Variants in RNF152 observed in about 807,000 individuals in gnomAD.
The protein encoded by RNF152 is ring finger protein 152, also known as E3 ubiquitin-protein ligase RNF152.
A neutral mutation model predicts 12.7 loss-of-function variants in RNF152; 11 were observed. The observed-to-expected ratio is 0.86, with a 90% CI of 0.54 to 1.43. RNF152 has a LOEUF of 1.43. RNF152 is among the 40% of genes most tolerant of loss of function. RNF152 has a pLI of 0.00. For synonymous variants in RNF152, 113 were observed against 120.3 expected, an observed-to-expected ratio of 0.94 and a Z score of 0.40; for missense variants, 255 against 274.8, an observed-to-expected ratio of 0.93 and a Z score of 0.51.
At chr18:61,889,211 T>C (rs1156384649) in intron 1 of RNF152, among the ~76,000 whole-genome samples, 1 of 152,136 alleles carries the variant, frequency 6.6e-6, no homozygotes, top group Non-Finnish European at 1.5e-5. Context: ...GATACTGATA[T>C]CCCCTCAGTC....
intron 1 of RNF152, among the ~76,000 whole-genome samples, chr18:61,864,651 C>G (rs1228296549): frequency 2.0e-5 from 3 of 152,194 alleles, no homozygotes; most frequent in Admixed American, 6.5e-5. Flanking sequence ...AAGTCACAAC[C>G]CTCTAATCAC....
At chr18:61,823,923 G>A (rs554055697) in intron 1 of RNF152, among the ~76,000 whole-genome samples, 91 of 152,326 alleles carry the variant, frequency 6.0e-4, no homozygotes, top group African/African-American at 2.2e-3. Context: ...CTCTGCTAGG[G>A]CATGTGCCAA....
rs1287789764 is a variant in RNF152, at chr18:61,813,471, A to G, written c.*2381T>C. The G allele has an allele frequency of 2.0e-5, 3 of 152,218 alleles. No individual in the cohort carries two copies. The highest frequency in any genetic ancestry group is 2.0e-4 in the Admixed American group (3 of 15,280). The allele number at this position is 152,218 out of a possible 1,614,324, so 9.4% of individuals were successfully genotyped here. A position where few individuals can be genotyped will look rare whatever the true frequency, so the allele number is the denominator to read the frequency against. On this transcript the variant is annotated 3_prime_UTR_variant, in exon 2 of 2. Transcript: ENST00000312828. The stretch of plus-strand genomic sequence containing the variant: ...AAATTTAAGGTCAAGAATCTACCAT[A>G]CAGCCGATTAATTTTGCACTGCTTA...
At position 61,815,805 on chromosome 18, in the gene RNF152, C is replaced by T; in HGVS notation, c.*47G>A. On this transcript the variant is annotated 3_prime_UTR_variant, in exon 2 of 2. Transcript: ENST00000312828. Reference sequence around the variant, plus strand: ...TCACTGGGATCTCATCATCAACCTGCTCAACCCCTAAGTTGGCACCCACAA... The same window carrying T: ...TCACTGGGATCTCATCATCAACCTGTTCAACCCCTAAGTTGGCACCCACAA... 1.3e-6 allele frequency: 2 copies of T among 1,588,232 alleles called. No homozygotes were observed. The highest frequency in any genetic ancestry group is 1.7e-5 in the Admixed American group (1 of 59,036).
intron 1 of RNF152, among the ~76,000 whole-genome samples, chr18:61,818,989 C>T (rs9966870): frequency 2.0e-5 from 3 of 151,874 alleles, no homozygotes; most frequent in Non-Finnish European, 2.9e-5. Context: ...TCTGGATTAT[C>T]GAATTAGACA....
chr18:61,835,484 GA>G (rs1910138060), intron 1 of RNF152, among the ~76,000 whole-genome samples: 1 of 152,132 alleles, frequency 6.6e-6, no homozygotes, highest in African/African-American at 2.4e-5. Context: ...TCAATTAAGG[GA>G]AAGGTTCATG....
Position 61,884,219 on chromosome 18 carries a change from C to T in RNF152, c.-136+8576G>A, listed in dbSNP as rs200330870. 5.5e-5 allele frequency among the ~76,000 whole-genome samples: 7 copies of T among 127,506 alleles called. No homozygotes were observed. In the East Asian group the frequency reaches 1.7e-3, roughly 32 times the overall value. 83.6% of individuals were successfully genotyped at this position (127,506 alleles called of 152,430 possible). A position where few individuals can be genotyped will look rare whatever the true frequency, so the allele number is the denominator to read the frequency against. On this transcript the variant is annotated intron_variant, in intron 1 of 1. Transcript: ENST00000312828. ...CACTAACTCAATGAGGTCGGTTCTC[C>T]CCCATTTTGCAGCTGAAGAACAAAC...
intron 1 of RNF152, among the ~76,000 whole-genome samples, chr18:61,819,264 T>A (rs1909263175): frequency 6.6e-6 from 1 of 152,136 alleles, no homozygotes; most frequent in Admixed American, 6.5e-5. Context: ...GGATAGCAGA[T>A]CCCACAGGGA....
chr18:61,830,231 G>A lies in RNF152; in HGVS notation c.-135-13633C>T, dbSNP rs199543439. On this transcript the variant is annotated intron_variant, in intron 1 of 1. Transcript: ENST00000312828. ...TAGAGATGGGGGTGTCTTGGTATTT[G>A]GCCAGGCTGGTCTTGAACTCCTCAC... Among the ~76,000 whole-genome samples, 5 of 151,948 alleles carry A rather than the reference G, an allele frequency of 3.3e-5. No homozygotes were observed. In the East Asian group the frequency reaches 9.7e-4, roughly 29 times the overall value.
chr18:61,826,003 A>G (rs1909647928), intron 1 of RNF152, among the ~76,000 whole-genome samples: 1 of 152,206 alleles, frequency 6.6e-6, no homozygotes, highest in African/African-American at 2.4e-5. Flanking sequence ...TAGTATATCC[A>G]GCTTCTAGGC....
chr18:61,879,255 T>C (rs1410327442), intron 1 of RNF152, among the ~76,000 whole-genome samples: 2 of 152,236 alleles, frequency 1.3e-5, no homozygotes, highest in Non-Finnish European at 2.9e-5. Context: ...CTTACATTTA[T>C]ATTGTGTTTA....
intron 1 of RNF152, among the ~76,000 whole-genome samples, chr18:61,826,126 A>T (rs954069270): frequency 6.6e-6 from 1 of 152,202 alleles, no homozygotes; most frequent in African/African-American, 2.4e-5. Context: ...GACCCACTGG[A>T]AACCCCAGAG....
intron 1 of RNF152, among the ~76,000 whole-genome samples, chr18:61,862,158 GT>G (rs1397290770): frequency 6.6e-6 from 1 of 152,114 alleles, no homozygotes; most frequent in Non-Finnish European, 1.5e-5. Context: ...CTTTTTACAT[GT>G]TAATACAAAG....
At chr18:61,860,370 G>A (rs750350607) in intron 1 of RNF152, among the ~76,000 whole-genome samples, 4 of 152,186 alleles carry the variant, frequency 2.6e-5, no homozygotes, top group Admixed American at 6.5e-5. Flanking sequence ...ATGCAGTCAC[G>A]CACCACATAA....
At chr18:61,867,881 T>G (rs941833641) in intron 1 of RNF152, among the ~76,000 whole-genome samples, 3 of 152,230 alleles carry the variant, frequency 2.0e-5, no homozygotes, top group Non-Finnish European at 4.4e-5. Flanking sequence ...GAACCCCCAC[T>G]GTACTATAAA....
intron 1 of RNF152, among the ~76,000 whole-genome samples, chr18:61,859,328 G>A (rs1384482731): frequency 6.6e-6 from 1 of 152,184 alleles, no homozygotes; most frequent in Non-Finnish European, 1.5e-5. Flanking sequence ...GGGCTGTTGT[G>A]GCGCAAATTC....
rs1217809636 is a variant in RNF152 at position 61,808,582 on chromosome 18, A to C, written c.*7270T>G. 6.6e-6 allele frequency: 1 copy of C among 152,152 alleles called. No homozygotes were observed. The highest frequency in any genetic ancestry group is 1.9e-4 in the East Asian group (1 of 5,196). The allele number at this position is 152,152 out of a possible 1,614,324, so 9.4% of individuals were successfully genotyped here. A position where few individuals can be genotyped will look rare whatever the true frequency, so the allele number is the denominator to read the frequency against. ...GTGGGAGGAACCCTGGATTGCAGCT[A>C]CATGGCTTATGTAGGGAGTTTGTAA... On this transcript the variant is annotated 3_prime_UTR_variant, in exon 2 of 2. Transcript: ENST00000312828.
At chr18:61,892,513 C>T (rs781169935) in intron 1 of RNF152, among the ~76,000 whole-genome samples, 6 of 152,224 alleles carry the variant, frequency 3.9e-5, no homozygotes, top group Non-Finnish European at 7.3e-5. Context: ...TCAGATACAA[C>T]TGCCTGTGTA....
intron 1 of RNF152, among the ~76,000 whole-genome samples, chr18:61,851,679 G>A (rs1014238332): frequency 6.6e-6 from 1 of 152,036 alleles, no homozygotes; most frequent in Non-Finnish European, 1.5e-5. Flanking sequence ...ATTCACCCAG[G>A]GCAATCTTAA....
Sources: gnomAD v4.1 joint callset for allele counts (sites outside exome capture counted in the v4.1 genomes callset) on GRCh38, gnomAD v4.1.1 for gene constraint, MANE v1.5 for transcripts, NCBI Gene and HGNC (gene_info 2026-07-23, HGNC 2026-07-21) for gene names.